Variants in FAT3 observed in about 807,000 individuals in gnomAD.
FAT3 encodes the protein FAT atypical cadherin 3.
A neutral mutation model predicts 310.2 loss-of-function variants in FAT3; 95 were observed. The ratio of observed to expected loss-of-function variants is 0.31; its 90% CI spans 0.26 to 0.36. The LOEUF is 0.36. FAT3 is among the 10% of genes least tolerant of loss of function. The probability of loss-of-function intolerance (pLI) is 1.00; values close to 1 mark genes in which losing one functional copy is unlikely to be tolerated. For synonymous variants in FAT3, 2,314 were observed against 2,192.9 expected (o/e 1.06, Z -1.54); for missense variants, 5,408 against 5,715.6 (o/e 0.95, Z 1.74).
At chr11:92,326,259 C>G (rs1055200882) in intron 1 of FAT3, among the ~76,000 whole-genome samples, 1 of 152,168 alleles carries the variant, frequency 6.6e-6, no homozygotes, top group Non-Finnish European at 1.5e-5. Context: ...GACATATTTG[C>G]TTTCTAAAGA....
At chr11:92,609,346 G>A (rs971076591) in intron 3 of FAT3, among the ~76,000 whole-genome samples, 1 of 152,104 alleles carries the variant, frequency 6.6e-6, no homozygotes, top group Non-Finnish European at 1.5e-5. Flanking sequence ...ATGAATGTGG[G>A]TTAAAACCTG....
chr11:92,412,850 C>G (rs1164983694), intron 2 of FAT3, among the ~76,000 whole-genome samples: 1 of 150,294 alleles, frequency 6.7e-6, no homozygotes, highest in African/African-American at 2.4e-5. Flanking sequence ...CCATATACCC[C>G]CCTACACACA....
chr11:92,732,829 G>A (rs1945221853), intron 4 of FAT3, among the ~76,000 whole-genome samples: 1 of 152,182 alleles, frequency 6.6e-6, no homozygotes, highest in African/African-American at 2.4e-5. Flanking sequence ...AAAAACAAAT[G>A]ACCCTCCACC....
chr11:92,350,092 A>C (rs985738845), intron 1 of FAT3, among the ~76,000 whole-genome samples: 3 of 152,004 alleles, frequency 2.0e-5, no homozygotes, highest in African/African-American at 4.8e-5. Flanking sequence ...CCACAGTTTC[A>C]TGACTATGTG....
chr11:92,835,743 G>C (rs1471068304), intron 15 of FAT3, among the ~76,000 whole-genome samples: 2 of 152,094 alleles, frequency 1.3e-5, no homozygotes, highest in South Asian at 2.1e-4. Flanking sequence ...TACACACACA[G>C]ACACACAGAG....
chr11:92,272,662 C>T (rs374061549), intron 1 of FAT3, among the ~76,000 whole-genome samples: 2 of 151,972 alleles, frequency 1.3e-5, no homozygotes, highest in Non-Finnish European at 2.9e-5. Flanking sequence ...GGAGAGGTGC[C>T]GTTTAAGGAG....
chr11:92,810,417 C>G (rs961324757), intron 13 of FAT3, among the ~76,000 whole-genome samples: 3 of 152,132 alleles, frequency 2.0e-5, no homozygotes, highest in Non-Finnish European at 4.4e-5. Context: ...GTCTTTTCCT[C>G]CTAAACATAG....
At chr11:92,763,072 A>G (rs1293367161) in intron 5 of FAT3, among the ~76,000 whole-genome samples, 1 of 151,622 alleles carries the variant, frequency 6.6e-6, no homozygotes, top group African/African-American at 2.4e-5. Context: ...AGCAGGAGAA[A>G]CGCTTGAACC....
chr11:92,822,643 A>G (rs1445184549), intron 13 of FAT3, among the ~76,000 whole-genome samples: 1 of 152,110 alleles, frequency 6.6e-6, no homozygotes, highest in African/African-American at 2.4e-5. Context: ...ATTACAAAAC[A>G]CTTTCCACCC....
chr11:92,728,680 C>G (rs1945076019), intron 4 of FAT3, among the ~76,000 whole-genome samples: 2 of 152,156 alleles, frequency 1.3e-5, no homozygotes, highest in Admixed American at 1.3e-4. Flanking sequence ...ATTTCACTCA[C>G]CTGAAATGAA....
At chr11:92,303,528 G>A (rs763797966) in intron 1 of FAT3, among the ~76,000 whole-genome samples, 1 of 152,102 alleles carries the variant, frequency 6.6e-6, no homozygotes. Context: ...ATCACTTAAG[G>A]ATTTGAGGAG....
At chr11:92,430,568 G>A (rs537505158) in intron 2 of FAT3, among the ~76,000 whole-genome samples, 36 of 151,976 alleles carry the variant, frequency 2.4e-4, no homozygotes, top group Non-Finnish European at 4.6e-4. Flanking sequence ...GTGCAGGTTA[G>A]TTACATATGT....
At position 92,847,156 on chromosome 11, in the gene FAT3, T is replaced by C. The variant is rs183169301; in HGVS notation, c.11365+2424T>C. On this transcript the variant is annotated intron_variant, in intron 19 of 27. Transcript: ENST00000525166. ...GTATAAGAATCCTCAAATATAGTCA[T>C]GCATGGCATAACAACGTTTCATCAA... is the stretch of plus-strand genomic sequence containing the variant. Among the ~76,000 whole-genome samples the C allele has an allele frequency of 5.2e-5, 8 of 152,384 alleles. No homozygotes were observed. In the East Asian group the frequency reaches 1.5e-3, roughly 29 times the overall value.
At chr11:92,386,375 A>G (rs755071889) in intron 2 of FAT3, among the ~76,000 whole-genome samples, 1 of 152,194 alleles carries the variant, frequency 6.6e-6, no homozygotes, top group Non-Finnish European at 1.5e-5. Flanking sequence ...CATATACAAG[A>G]CTTCAAACAT....
At chr11:92,744,679 G>GT (rs956565826) in intron 4 of FAT3, among the ~76,000 whole-genome samples, 171 of 152,032 alleles carry the variant, frequency 1.1e-3, no homozygotes, top group African/African-American at 3.9e-3. Flanking sequence ...TGGTGGGCCA[G>GT]TTTTTTTTAA....
chr11:92,446,919 G>A (rs1951225901), intron 2 of FAT3, among the ~76,000 whole-genome samples: 1 of 152,110 alleles, frequency 6.6e-6, no homozygotes, highest in South Asian at 2.1e-4. Flanking sequence ...CATTTGAGTT[G>A]ATAGATTTGA....
intron 3 of FAT3, among the ~76,000 whole-genome samples, chr11:92,534,557 A>G (rs943749496): frequency 3.9e-5 from 6 of 152,196 alleles, no homozygotes; most frequent in African/African-American, 1.4e-4. Flanking sequence ...CCCAGCCCAC[A>G]CTTGTGAATG....
At chr11:92,472,519 C>G (rs905163415) in intron 2 of FAT3, among the ~76,000 whole-genome samples, 3 of 151,978 alleles carry the variant, frequency 2.0e-5, no homozygotes, top group African/African-American at 7.3e-5. Context: ...TATTTGCAGT[C>G]AAAAAGAAAA....
intron 7 of FAT3, among the ~76,000 whole-genome samples, chr11:92,784,373 G>C (rs576372759): frequency 7.0e-4 from 107 of 152,228 alleles, no homozygotes; most frequent in Non-Finnish European, 8.2e-4. Flanking sequence ...TGAAATGCCA[G>C]CAGAGGCAGA....
Sources: gnomAD v4.1 joint callset for allele counts (sites outside exome capture counted in the v4.1 genomes callset) on GRCh38, gnomAD v4.1.1 for gene constraint, MANE v1.5 for transcripts, NCBI Gene and HGNC (gene_info 2026-07-23, HGNC 2026-07-21) for gene names.